Variants in SLC44A3 observed in about 807,000 individuals in gnomAD.
The protein encoded by SLC44A3 is solute carrier family 44 member 3, also known as choline transporter-like protein 3.
SLC44A3 carries 74 observed loss-of-function variants against 75.4 expected under a neutral mutation model. The ratio of observed to expected loss-of-function variants is 0.98; its 90% CI spans 0.81 to 1.19. SLC44A3 has a LOEUF of 1.19. Ranked by LOEUF, SLC44A3 falls within the 50% of genes most tolerant of loss-of-function variation. The probability of loss-of-function intolerance (pLI) is 0.00; values close to 1 mark genes in which losing one functional copy is unlikely to be tolerated. For missense variants in SLC44A3, 700 were observed against 778.6 expected (o/e 0.90, Z 1.20); for synonymous variants, 310 against 296.9 (o/e 1.04, Z -0.45).
rs149434797 is a variant in SLC44A3 at position 94,891,253 on chromosome 1, A to G, written c.1606A>G (p.Ile536Val). 1.4e-4 allele frequency: 220 copies of G among 1,605,898 alleles called. 1 individual carries two copies. In the African/African-American group the frequency reaches 2.3e-3, roughly 17 times the overall value. ...TSINCFGDFIIFLGKVLVVCF... is the reference protein window; with the variant it reads ...TSINCFGDFIVFLGKVLVVCF... ...TATTAACTGCTTTGGAGACTTCATAATTTTTCTAGGAAAGGTGAGATATCT... is the reference window on the plus strand; with the variant it reads ...TATTAACTGCTTTGGAGACTTCATAGTTTTTCTAGGAAAGGTGAGATATCT... Residue 536 changes from isoleucine to valine, a missense_variant, in exon 13 of 15, where the codon ATT becomes GTT. Physicochemically the swap from Ile to Val is conservative, Grantham distance 29. Coordinates refer to ENST00000271227, the MANE Select transcript of SLC44A3 (RefSeq NM_001114106.3).
At chr1:94,827,456 C>T in intron 3 of SLC44A3, 51 bp from the exon 4 acceptor site, 1 of 1,607,360 alleles carries the variant, frequency 6.2e-7, no homozygotes, top group Non-Finnish European at 8.5e-7. Context: ...ACAATTAAGA[C>T]CAGTGAGAAG....
intron 8 of SLC44A3, 73 bp downstream of exon 8, chr1:94,842,197 C>A: frequency 6.7e-7 from 1 of 1,482,298 alleles, no homozygotes. Flanking sequence ...TGAATTCTAG[C>A]CAAAAACAAC....
At chr1:94,826,288 A>G (rs1177768224) in intron 3 of SLC44A3, among the ~76,000 whole-genome samples, 1 of 152,208 alleles carries the variant, frequency 6.6e-6, no homozygotes, top group Non-Finnish European at 1.5e-5. Context: ...TGGGAAGATG[A>G]GTTCTGTGAA....
At chr1:94,889,328 C>T (rs1285623112) in intron 12 of SLC44A3, 1 of 152,068 alleles carries the variant, frequency 6.6e-6, no homozygotes, top group Admixed American at 6.6e-5. Flanking sequence ...TTTATCCAAA[C>T]CAAAAGGAAT....
At chr1:94,824,305 T>C (rs1331067160) in intron 2 of SLC44A3, among the ~76,000 whole-genome samples, 188 bp from the exon 3 acceptor site, 1 of 152,246 alleles carries the variant, frequency 6.6e-6, no homozygotes, top group Non-Finnish European at 1.5e-5. Flanking sequence ...CCTAAATGTA[T>C]AAGTAGCAGA....
chr1:94,894,818 A>T lies in SLC44A3; in HGVS notation c.1858A>T (p.Ser620Cys). 6 of 1,608,242 alleles carry T rather than the reference A, an allele frequency of 3.7e-6. No homozygotes were observed. Among genetic ancestry groups the T allele is most frequent in the Non-Finnish European group, 5.1e-6 (6 of 1,176,950 alleles). ...TCTAACTTGTTCTTTTGTTTTTCAG[A>T]GTTTCGTAAAAAGGAGCAACAAATT... ...KPYFMDQEFL[S>C]FVKRSNKLNN... The change falls in exon 15 of 15, where the codon AGT becomes TGT. Residue 620 changes from serine (S) to cysteine (C), a missense_variant and splice_region_variant. Ser to Cys is a moderately radical substitution (Grantham distance 112). Coordinates refer to ENST00000271227, the MANE Select transcript of SLC44A3 (RefSeq NM_001114106.3).
chr1:94,868,556 T>A (rs918541323), intron 12 of SLC44A3, among the ~76,000 whole-genome samples: 1 of 152,202 alleles, frequency 6.6e-6, no homozygotes, highest in Non-Finnish European at 1.5e-5. Context: ...GGGGAACATA[T>A]AACAAGTCAG....
chr1:94,850,201 TTTTCAGCAG>T (rs1665027778), intron 9 of SLC44A3, among the ~76,000 whole-genome samples: 2 of 152,232 alleles, frequency 1.3e-5, no homozygotes, highest in Non-Finnish European at 2.9e-5. Flanking sequence ...TGGGGATTTT[TTTTCAGCAG>T]GTCATATCAA....
At chr1:94,845,161 GTAAC>G in intron 8 of SLC44A3, 113 bp from the exon 9 acceptor site, 1 of 1,073,716 alleles carries the variant, frequency 9.3e-7, no homozygotes, top group Non-Finnish European at 1.3e-6. Flanking sequence ...AAAGTAGTGA[GTAAC>G]TATCTTAAAA....
chr1:94,837,136 A>T (rs1254885005), intron 5 of SLC44A3, among the ~76,000 whole-genome samples: 1 of 152,186 alleles, frequency 6.6e-6, no homozygotes, highest in Non-Finnish European at 1.5e-5. Context: ...AGTCAAATTC[A>T]TGGAAACAGA....
At position 94,840,045 on chromosome 1, in the gene SLC44A3, T is replaced by C. The variant is rs1663373655; in HGVS notation, c.760+8T>C. 6.3e-7 allele frequency: 1 copy of C among 1,599,550 alleles called. No individual in the cohort carries two copies. The highest frequency in any genetic ancestry group is 1.1e-5 in the South Asian group (1 of 90,804). ...TTATTTTGGGATTGTTGTGTAAGTA[T>C]TTCTCTACTTGACTGATTTCTTTTC... On this transcript the variant is annotated splice_region_variant and intron_variant, in intron 7 of 14. Coordinates refer to ENST00000271227, the MANE Select transcript of SLC44A3 (RefSeq NM_001114106.3).
At chr1:94,863,404 C>T (rs1482871188) in intron 10 of SLC44A3, among the ~76,000 whole-genome samples, 3 of 152,166 alleles carry the variant, frequency 2.0e-5, no homozygotes, top group Non-Finnish European at 4.4e-5. Flanking sequence ...TTCACAGAGG[C>T]CTATGAATCA....
At chr1:94,871,241 G>A (rs1183617511) in intron 12 of SLC44A3, among the ~76,000 whole-genome samples, 9 of 152,166 alleles carry the variant, frequency 5.9e-5, no homozygotes, top group East Asian at 1.9e-4. Flanking sequence ...GGAGGAAGAC[G>A]GGAAAGGTGA....
In SLC44A3 at chr1:94,845,510, A is replaced by G. The variant is rs771052852; in HGVS notation, c.1072+46A>G. 2.0e-6 allele frequency: 3 copies of G among 1,534,880 alleles called. No individual in the cohort carries two copies. In the Admixed American group the frequency reaches 6.1e-5, roughly 31 times the overall value. ...GTTCCATCACCTTGGAGTCATACACAGAAGACCATTTTGGAACCACTGGCC... is the reference window on the plus strand; with the variant it reads ...GTTCCATCACCTTGGAGTCATACACGGAAGACCATTTTGGAACCACTGGCC... On this transcript the variant is annotated intron_variant, in intron 9 of 14. Transcript: ENST00000271227.
intron 5 of SLC44A3, among the ~76,000 whole-genome samples, chr1:94,832,025 G>T (rs1002327491): frequency 1.3e-5 from 2 of 152,110 alleles, no homozygotes; most frequent in Non-Finnish European, 1.5e-5. Flanking sequence ...AAATTAGCTG[G>T]GTGTGATGGC....
intron 9 of SLC44A3, among the ~76,000 whole-genome samples, chr1:94,856,980 C>T (rs1665957234): frequency 6.6e-6 from 1 of 152,136 alleles, no homozygotes; most frequent in Non-Finnish European, 1.5e-5. Flanking sequence ...ATCCGCCCAC[C>T]TCAGCCTCCA....
intron 12 of SLC44A3, among the ~76,000 whole-genome samples, chr1:94,872,302 T>C (rs1027702326): frequency 6.6e-6 from 1 of 152,116 alleles, no homozygotes; most frequent in African/African-American, 2.4e-5. Flanking sequence ...GGTTTCTCCA[T>C]GTTGGCTGGT....
At chr1:94,852,534 A>G (rs77506333) in intron 9 of SLC44A3, among the ~76,000 whole-genome samples, 1,571 of 152,312 alleles carry the variant, frequency 0.01, 27 homozygotes, top group African/African-American at 0.036. Context: ...CAGGGTGCAC[A>G]CAGTCAGATC....
intron 3 of SLC44A3, among the ~76,000 whole-genome samples, chr1:94,826,654 A>G (rs1032301933): frequency 3.3e-5 from 5 of 150,942 alleles, no homozygotes; most frequent in African/African-American, 9.7e-5. Context: ...AAAAAAAAAG[A>G]AAGATTCAGA....
Sources: allele counts gnomAD v4.1 joint callset (sites outside exome capture counted in the v4.1 genomes callset), GRCh38; gene constraint gnomAD v4.1.1; transcripts MANE v1.5; gene names NCBI Gene and HGNC (gene_info 2026-07-23, HGNC 2026-07-21).